RPL27: variants seen among roughly 807,000 people sequenced by gnomAD.
RPL27 encodes ribosomal protein L27.
For missense variants in RPL27, 131 were observed against 174.3 expected (o/e 0.75, Z 1.40); for synonymous variants, 77 against 61.0 (o/e 1.26, Z -1.22).
intron 3 of RPL27, among the ~76,000 whole-genome samples, chr17:43,000,665 C>T (rs545976914): frequency 5.4e-5 from 8 of 147,402 alleles, no homozygotes; most frequent in South Asian, 2.3e-4. Flanking sequence ...AGGATGGTCT[C>T]GATCTCCTGA....
rs2050377340 is a variant in RPL27 at position 43,002,654 on chromosome 17, T to C, written c.252-19T>C. Reference sequence around the variant, plus strand: ...CGGCAGTATGTGGGCTAATCCTGCCTCTCCACCTTTGTCCCCAGGTACTCT... The same window carrying C: ...CGGCAGTATGTGGGCTAATCCTGCCCCTCCACCTTTGTCCCCAGGTACTCT... On this transcript the variant is annotated intron_variant, in intron 3 of 4. Transcript: ENST00000253788. The C allele has an allele frequency of 1.3e-6, 2 of 1,514,680 alleles. No individual in the cohort carries two copies. The highest frequency in any genetic ancestry group is 1.8e-6 in the Non-Finnish European group (2 of 1,090,076). 93.8% of individuals were successfully genotyped at this position (1,514,680 alleles called of 1,614,324 possible).
At chr17:42,998,967 T>C in intron 2 of RPL27, 136 bp downstream of exon 2, 1 of 642,586 alleles carries the variant, frequency 1.6e-6, no homozygotes, top group South Asian at 1.8e-5. Flanking sequence ...GTGGGAGAGT[T>C]TTTGAGAGAG....
At chr17:43,001,846 C>G (rs1408642341) in intron 3 of RPL27, among the ~76,000 whole-genome samples, 2 of 151,668 alleles carry the variant, frequency 1.3e-5, no homozygotes, top group African/African-American at 4.9e-5. Flanking sequence ...AATCCCAGCA[C>G]TTTGGGAGGC....
intron 3 of RPL27, among the ~76,000 whole-genome samples, chr17:43,001,084 C>G (rs1163481629): frequency 6.6e-6 from 1 of 152,036 alleles, no homozygotes; most frequent in Non-Finnish European, 1.5e-5. Flanking sequence ...TGGCTCACGC[C>G]TACAATCCCA....
chr17:42,999,778 T>G, intron 2 of RPL27, 155 bp from the exon 3 acceptor site: 1 of 605,464 alleles, frequency 1.7e-6, no homozygotes, highest in Non-Finnish European at 2.9e-6. Flanking sequence ...CTGTTTCTCT[T>G]TGGTCATTTC....
intron 3 of RPL27, among the ~76,000 whole-genome samples, chr17:43,002,200 A>G (rs1567832): frequency 0.59 from 88,730 of 151,626 alleles, 29,037 homozygotes; most frequent in East Asian, 0.84. Flanking sequence ...CTTGAATCCA[A>G]TAAATGTTAA....
At chr17:42,999,777 T>C in intron 2 of RPL27, 156 bp from the exon 3 acceptor site, 1 of 607,590 alleles carries the variant, frequency 1.6e-6, no homozygotes, top group Non-Finnish European at 2.9e-6. Context: ...TCTGTTTCTC[T>C]TTGGTCATTT....
At chr17:42,999,685 T>G (rs1377597665) in intron 2 of RPL27, 3 of 470,506 alleles carry the variant, frequency 6.4e-6, no homozygotes, top group African/African-American at 5.8e-5. Context: ...CAAGTACTTC[T>G]TAAATGTTAA....
In RPL27 at chr17:43,000,025, CAAG is replaced by C. The variant is rs771273047; in HGVS notation, c.182_184del (p.Lys61del). On this transcript the variant is annotated inframe_deletion, in exon 3 of 5. Coordinates refer to ENST00000253788, the MANE Select transcript of RPL27 (RefSeq NM_000988.5). ...CCCGCAAAGTGACAGCTGCCATGGG[CAAG>C]AAGAAGATCGCCAAGAGATCAAAGA... 2 of 1,612,512 alleles carry C rather than the reference CAAG, an allele frequency of 1.2e-6. No individual in the cohort carries two copies. The highest frequency in any genetic ancestry group is 1.7e-5 in the Admixed American group (1 of 60,008).
chr17:43,002,826 A>G (rs747797068), intron 4 of RPL27, 43 bp downstream of exon 4: 25 of 1,604,716 alleles, frequency 1.6e-5, no homozygotes, highest in Admixed American at 3.3e-5. Flanking sequence ...TGGTTTCACT[A>G]TTTCCATTCC....
chr17:42,999,813 T>C, intron 2 of RPL27, 120 bp from the exon 3 acceptor site: 1 of 712,470 alleles, frequency 1.4e-6, no homozygotes, highest in Non-Finnish European at 2.4e-6. Flanking sequence ...GATTTTTCTC[T>C]TTATAATGGT....
intron 3 of RPL27, 52 bp downstream of exon 3, chr17:43,000,154 T>C (rs1437007002): frequency 2.9e-6 from 4 of 1,394,720 alleles, no homozygotes; most frequent in Admixed American, 1.8e-5. Flanking sequence ...CTCTGTTGAA[T>C]AATGAGACAG....
chr17:43,001,602 CAG>C (rs1018819317), intron 3 of RPL27, among the ~76,000 whole-genome samples: 1 of 151,432 alleles, frequency 6.6e-6, no homozygotes, highest in Non-Finnish European at 1.5e-5. Flanking sequence ...GCCTGGGTGA[CAG>C]AGCGAGACTC....
rs368209781 is a variant in RPL27, at chr17:43,002,238, A to G, written c.252-435A>G. Among the ~76,000 whole-genome samples the G allele has an allele frequency of 7.7e-4, 114 of 147,544 alleles. 1 individual carries two copies. Among genetic ancestry groups the G allele is most frequent in the African/African-American group, 1.7e-3 (66 of 38,590 alleles). ...GTGAATTTTCAGGCCGGATGCGGTG[A>G]CTCACGCCTATAATCCCAGCATTTT... On this transcript the variant is annotated intron_variant, in intron 3 of 4. Coordinates refer to ENST00000253788, the MANE Select transcript of RPL27 (RefSeq NM_000988.5).
chr17:43,001,373 C>G (rs2050359774), intron 3 of RPL27, among the ~76,000 whole-genome samples: 1 of 152,126 alleles, frequency 6.6e-6, no homozygotes, highest in African/African-American at 2.4e-5. Context: ...CGCCTGTAAT[C>G]CCAGCACTTT....
chr17:43,002,879 A>G lies in RPL27; in HGVS notation c.370A>G (p.Thr124Ala). 6.2e-7 allele frequency: 1 copy of G among 1,613,872 alleles called. No individual in the cohort carries two copies. Among genetic ancestry groups the G allele is most frequent in the Non-Finnish European group, 8.5e-7 (1 of 1,179,754 alleles). The change falls in exon 5 of 5, where the codon ACA becomes GCA. Residue 124 changes from threonine to alanine, a missense_variant. Coordinates refer to ENST00000253788, the MANE Select transcript of RPL27 (RefSeq NM_000988.5). The part of the protein sequence containing the change: ...AKVKFEERYK[T>A]GKNKWFFQKL... The stretch of plus-strand genomic sequence containing the variant: ...TCTTTTTTTCCCTTCTAGATACAAG[A>G]CAGGCAAGAACAAGTGGTTCTTCCA...
At chr17:42,999,339 A>G (rs905090055) in intron 2 of RPL27, 3 of 154,722 alleles carry the variant, frequency 1.9e-5, no homozygotes, top group African/African-American at 7.3e-5. Flanking sequence ...CCTGTTGCTA[A>G]GGTTTGGAGG....
chr17:43,001,515 G>A (rs568119493), intron 3 of RPL27, among the ~76,000 whole-genome samples: 18 of 151,398 alleles, frequency 1.2e-4, no homozygotes, highest in Admixed American at 8.5e-4. Flanking sequence ...CAGCTATTCC[G>A]GAGGCTGAGG....
chr17:43,000,194 G>T, intron 3 of RPL27, 92 bp downstream of exon 3: 1 of 979,670 alleles, frequency 1.0e-6, no homozygotes, highest in East Asian at 2.6e-5. Context: ...ACCAGGAAGG[G>T]ATATCATTTC....
Sources: allele counts gnomAD v4.1 joint callset (sites outside exome capture counted in the v4.1 genomes callset), GRCh38; gene constraint gnomAD v4.1.1; transcripts MANE v1.5; gene names NCBI Gene and HGNC (gene_info 2026-07-23, HGNC 2026-07-21).